The following ARHGAP25 variants were observed in gnomAD, a reference collection of about 807,000 sequenced individuals.
The protein encoded by ARHGAP25 is Rho GTPase activating protein 25.
In ARHGAP25, 34 loss-of-function variants were observed where a neutral mutation model predicts 71.0. That is an observed-to-expected ratio of 0.48 (90% CI 0.36 to 0.64). ARHGAP25 has a LOEUF of 0.64. Among genes scored for constraint, ARHGAP25 ranks in the 30% least tolerant of loss-of-function variants. The pLI, the probability that ARHGAP25 is intolerant of heterozygous loss-of-function variation, is 0.00. For synonymous variants in ARHGAP25, 282 were observed against 296.5 expected (o/e 0.95, Z 0.50); for missense variants, 706 against 805.1 (o/e 0.88, Z 1.49).
chr2:68,735,287 C>G (rs1675153687), intron 1 of ARHGAP25, 27 bp downstream of exon 1: 2 of 1,608,466 alleles, frequency 1.2e-6, no homozygotes, highest in African/African-American at 2.7e-5. Context: ...TTCGTTGCCT[C>G]TGTGATTCTT....
Position 68,810,731 on chromosome 2 carries a change from C to CTTTTTTTTT in ARHGAP25, c.675-2543_675-2535dup, listed in dbSNP as rs539849992. On this transcript the variant is annotated intron_variant, in intron 5 of 10. Transcript: ENST00000409202. ...GATCCAATTTCTTTTCTTTTCTTCT[C>CTTTTTTTTT]TTTTTTTTTTTTTTTTTTTTTGAGA... Among the ~76,000 whole-genome samples the CTTTTTTTTT allele has an allele frequency of 3.4e-4, 25 of 74,346 alleles. 3 individuals carry two copies. Among genetic ancestry groups the CTTTTTTTTT allele is most frequent in the South Asian group, 6.9e-4 (2 of 2,892 alleles). The allele number at this position is 74,346 out of a possible 152,430, so 48.8% of individuals were successfully genotyped here.
intron 2 of ARHGAP25, among the ~76,000 whole-genome samples, chr2:68,716,026 A>G (rs1674601350): frequency 6.6e-6 from 1 of 152,124 alleles, no homozygotes; most frequent in African/African-American, 2.4e-5. Flanking sequence ...GCCCTCTTTC[A>G]TCCTTCTCTG....
At chr2:68,735,719 G>T (rs1001866807) in intron 1 of ARHGAP25, among the ~76,000 whole-genome samples, 3 of 152,072 alleles carry the variant, frequency 2.0e-5, no homozygotes, top group Non-Finnish European at 4.4e-5. Context: ...GTAGCAAAAG[G>T]TAGACAACAA....
intron 4 of ARHGAP25, among the ~76,000 whole-genome samples, chr2:68,800,518 G>A (rs1351486924): frequency 6.6e-6 from 1 of 152,108 alleles, no homozygotes; most frequent in Non-Finnish European, 1.5e-5. Context: ...GAGGACTGGA[G>A]ACAAGGCGAA....
At chr2:68,793,291 T>C (rs1679320709) in intron 4 of ARHGAP25, among the ~76,000 whole-genome samples, 1 of 152,166 alleles carries the variant, frequency 6.6e-6, no homozygotes, top group African/African-American at 2.4e-5. Context: ...TCCTATTTGT[T>C]TATTTTTATT....
chr2:68,751,962 T>C (rs1228920390), intron 1 of ARHGAP25, among the ~76,000 whole-genome samples: 14 of 152,054 alleles, frequency 9.2e-5, no homozygotes, highest in Admixed American at 8.5e-4. Context: ...TGGGCTTCCG[T>C]TGGCGCTACC....
At chr2:68,713,354 A>T (rs919591964) in intron 2 of ARHGAP25, among the ~76,000 whole-genome samples, 17 of 152,176 alleles carry the variant, frequency 1.1e-4, no homozygotes, top group African/African-American at 3.6e-4. Context: ...CATTGATTTT[A>T]TATCCTGAGA....
Position 68,775,360 on chromosome 2 carries a change from CT to C in ARHGAP25, c.204del (p.Phe68LeufsTer3). ...TCGTGAAGAACTGGCAGCAGAGGTA[CT>C]TTGTGCTGAGGGCGCAGCAGCTCTA... ...SIVKNWQQRY[F>X]VLRAQQLYYY... On this transcript the variant is annotated frameshift_variant, in exon 2 of 11. Coordinates refer to ENST00000409202, the MANE Select transcript of ARHGAP25 (RefSeq NM_001007231.3). LOFTEE classifies it high-confidence loss of function. The C allele has an allele frequency of 1.2e-6, 2 of 1,614,244 alleles. No individual in the cohort carries two copies. The highest frequency in any genetic ancestry group is 1.7e-6 in the Non-Finnish European group (2 of 1,180,048).
intron 1 of ARHGAP25, among the ~76,000 whole-genome samples, chr2:68,772,435 A>G (rs1469578100): frequency 6.6e-6 from 1 of 152,240 alleles, no homozygotes; most frequent in Non-Finnish European, 1.5e-5. Context: ...TGATGTTGCT[A>G]CAGTTGGATG....
intron 1 of ARHGAP25, among the ~76,000 whole-genome samples, chr2:68,771,651 G>C (rs1023674688): frequency 6.6e-6 from 1 of 152,170 alleles, no homozygotes; most frequent in East Asian, 1.9e-4. Flanking sequence ...GGGATGGAAA[G>C]TGCCCCTGCT....
intron 2 of ARHGAP25, among the ~76,000 whole-genome samples, chr2:68,725,237 T>C (rs1201038131): frequency 6.6e-6 from 1 of 152,168 alleles, no homozygotes; most frequent in African/African-American, 2.4e-5. Flanking sequence ...TGCAGTCAGC[T>C]CTAAGGTCTC....
At chr2:68,824,348 A>G (rs1488683168) in intron 10 of ARHGAP25, among the ~76,000 whole-genome samples, 1 of 152,180 alleles carries the variant, frequency 6.6e-6, no homozygotes, top group Non-Finnish European at 1.5e-5. Context: ...TTCCACTGGA[A>G]CCCATGGTCA....
chr2:68,821,606 T>C (rs929900411), intron 9 of ARHGAP25, among the ~76,000 whole-genome samples: 7 of 152,226 alleles, frequency 4.6e-5, no homozygotes, highest in African/African-American at 1.7e-4. Flanking sequence ...AAGAACTGTT[T>C]TCCTACAGTT....
intron 4 of ARHGAP25, among the ~76,000 whole-genome samples, chr2:68,797,816 T>C (rs550380538): frequency 6.6e-6 from 1 of 152,264 alleles, no homozygotes; most frequent in Non-Finnish European, 1.5e-5. Context: ...GTCAAGGTGC[T>C]CTCCTACGGC....
At chr2:68,735,410 C>A in intron 1 of ARHGAP25, 150 bp downstream of exon 1, 2 of 791,146 alleles carry the variant, frequency 2.5e-6, no homozygotes, top group Non-Finnish European at 2.1e-6. Flanking sequence ...AGTTGGCATG[C>A]CAGGTCCAAG....
intron 4 of ARHGAP25, among the ~76,000 whole-genome samples, chr2:68,793,711 T>C (rs1003868220): frequency 5.9e-5 from 9 of 152,200 alleles, no homozygotes; most frequent in Admixed American, 1.3e-4. Context: ...AGTAATATGA[T>C]GCCTCCAGCC....
intron 4 of ARHGAP25, among the ~76,000 whole-genome samples, chr2:68,807,072 A>G (rs1297063147): frequency 6.6e-6 from 1 of 152,238 alleles, no homozygotes; most frequent in Non-Finnish European, 1.5e-5. Flanking sequence ...GGGTCAATAT[A>G]AAAAGACTGA....
chr2:68,727,426 G>GA (rs1170942532), intron 2 of ARHGAP25, among the ~76,000 whole-genome samples: 2 of 152,144 alleles, frequency 1.3e-5, no homozygotes, highest in African/African-American at 4.8e-5. Context: ...AGTCTCCCAG[G>GA]AATGTAAAGG....
intron 2 of ARHGAP25, among the ~76,000 whole-genome samples, chr2:68,729,324 T>C (rs1002558300): frequency 6.6e-6 from 1 of 152,126 alleles, no homozygotes; most frequent in Non-Finnish European, 1.5e-5. Flanking sequence ...TGTCTTCAAA[T>C]GCAGATAACA....
Sources: gnomAD v4.1 joint callset for allele counts (sites outside exome capture counted in the v4.1 genomes callset) on GRCh38, gnomAD v4.1.1 for gene constraint, MANE v1.5 for transcripts, NCBI Gene and HGNC (gene_info 2026-07-23, HGNC 2026-07-21) for gene names.